The following DLGAP3 variants were observed in gnomAD, a reference collection of about 807,000 sequenced individuals.
DLGAP3 encodes the protein DLG associated protein 3.
In DLGAP3, 17 loss-of-function variants were observed where a neutral mutation model predicts 81.2. That is an observed-to-expected ratio of 0.21 (90% CI 0.14 to 0.31). The LOEUF is 0.31. Among genes scored for constraint, DLGAP3 ranks in the 10% least tolerant of loss-of-function variants. The pLI is 1.00. For missense variants in DLGAP3, 1,124 were observed against 1,388.0 expected (o/e 0.81, Z 3.02); for synonymous variants, 577 against 587.4 (o/e 0.98, Z 0.26).
Position 34,904,221 on chromosome 1 carries a change from T to C in DLGAP3, c.1107+56A>G, listed in dbSNP as rs534282935. The C allele has an allele frequency of 8.1e-6, 13 of 1,595,374 alleles. No homozygotes were observed. The African/African-American group carries it at 1.5e-4, about 18-fold the overall frequency. ...CCCAACCCTTTCCACTGCTCCCTAGTTGACAAGACTGGTGAAGGCTAAGGA... is the reference window on the plus strand; with the variant it reads ...CCCAACCCTTTCCACTGCTCCCTAGCTGACAAGACTGGTGAAGGCTAAGGA... On this transcript the variant is annotated intron_variant, in intron 3 of 11. Transcript: ENST00000373347. The surrounding 1 kb of genome is among the most constrained non-coding windows in gnomAD (Gnocchi z 8.1).
chr1:34,869,053 A>G lies in DLGAP3; in HGVS notation c.2037T>C (p.Ala679=). The G allele has an allele frequency of 6.3e-7, 1 of 1,598,714 alleles. No homozygotes were observed. Among genetic ancestry groups the G allele is most frequent in the South Asian group, 1.1e-5 (1 of 90,626 alleles). ...CCAGCTCCAGGTCTGCCTGCACGCC[A>G]GCCGTCACACTATTGGAGCGCTTGA... ...ARFKRSNSVT[A]GVQADLELEG... is the part of the protein sequence containing the mutation. Residue 679 remains alanine (A), a synonymous_variant, in exon 9 of 12, where the codon GCT becomes GCC. Coordinates refer to ENST00000373347, the MANE Select transcript of DLGAP3 (RefSeq NM_001080418.3).
chr1:34,889,848 A>G (rs567823855), intron 5 of DLGAP3, among the ~76,000 whole-genome samples: 2 of 152,348 alleles, frequency 1.3e-5, no homozygotes, highest in East Asian at 1.9e-4. Context: ...GTGTGAGCCA[A>G]TGCTGCAAAC....
intron 5 of DLGAP3, among the ~76,000 whole-genome samples, chr1:34,888,694 G>C (rs1475167052): frequency 6.6e-6 from 1 of 152,024 alleles, no homozygotes; most frequent in African/African-American, 2.4e-5. Flanking sequence ...CAGAAGTTAA[G>C]TTCTCTCATA....
intron 1 of DLGAP3, among the ~76,000 whole-genome samples, chr1:34,916,414 C>T (rs1229912944): frequency 6.6e-6 from 1 of 152,212 alleles, no homozygotes; most frequent in Non-Finnish European, 1.5e-5. Flanking sequence ...CTCCTGAATA[C>T]CTACAACTGT....
chr1:34,866,333 C>T (rs1275291533), intron 11 of DLGAP3, 32 bp from the exon 12 acceptor site: 2 of 1,475,958 alleles, frequency 1.4e-6, no homozygotes, highest in Admixed American at 4.4e-5. Context: ...TGAGCTGGGG[C>T]GCCGAACCAT....
chr1:34,919,345 T>C (rs1421427777), intron 1 of DLGAP3, among the ~76,000 whole-genome samples: 6 of 152,210 alleles, frequency 3.9e-5, no homozygotes, highest in Non-Finnish European at 8.8e-5. Context: ...CTCCTTTTCT[T>C]AGCAGCTGTC....
At position 34,904,141 on chromosome 1, in the gene DLGAP3, C is replaced by T; in HGVS notation, c.1107+136G>A. On this transcript the variant is annotated intron_variant, in intron 3 of 11. Transcript: ENST00000373347. The surrounding 1 kb of genome is among the most constrained non-coding windows in gnomAD (Gnocchi z 8.1). ...AGGAGCTCAGAGTGACCCAATGGGGCAGGGCAGAGCCTCCCTACACCCAGG... is the reference window on the plus strand; with the variant it reads ...AGGAGCTCAGAGTGACCCAATGGGGTAGGGCAGAGCCTCCCTACACCCAGG... 1 of 1,064,610 alleles carries T rather than the reference C, an allele frequency of 9.4e-7. No individual in the cohort carries two copies. The highest frequency in any genetic ancestry group is 1.4e-6 in the Non-Finnish European group (1 of 700,976). 65.9% of individuals were successfully genotyped at this position (1,064,610 alleles called of 1,614,324 possible).
At chr1:34,882,315 G>GAAAACAC in intron 8 of DLGAP3, among the ~76,000 whole-genome samples, 1 of 152,060 alleles carries the variant, frequency 6.6e-6, no homozygotes, top group African/African-American at 2.4e-5. Flanking sequence ...CATCTCTACT[G>GAAAACAC]AAAACACAAA....
At chr1:34,884,935 C>A in intron 8 of DLGAP3, 43 bp downstream of exon 8, 1 of 1,457,570 alleles carries the variant, frequency 6.9e-7, no homozygotes, top group South Asian at 1.1e-5. Flanking sequence ...CCTCTCTCCT[C>A]CTGTCTCCCA....
intron 1 of DLGAP3, among the ~76,000 whole-genome samples, chr1:34,907,868 C>CA (rs1639581194): frequency 6.6e-6 from 1 of 152,196 alleles, no homozygotes; most frequent in South Asian, 2.1e-4. Flanking sequence ...TCTCACGTGA[C>CA]AGAGTTATTT....
At chr1:34,875,562 TG>T (rs1639038845) in intron 8 of DLGAP3, among the ~76,000 whole-genome samples, 3 of 152,224 alleles carry the variant, frequency 2.0e-5, no homozygotes, top group African/African-American at 7.2e-5. Context: ...AGATAAGGTC[TG>T]TCTGGGAGGA....
chr1:34,922,416 T>C (rs773133137), intron 1 of DLGAP3, among the ~76,000 whole-genome samples: 5 of 152,172 alleles, frequency 3.3e-5, no homozygotes, highest in Non-Finnish European at 7.3e-5. Context: ...TTGCCTCAAC[T>C]TGTGTACATA....
intron 2 of DLGAP3, among the ~76,000 whole-genome samples, 179 bp from the exon 3 acceptor site, chr1:34,905,613 C>T (rs1639539203): frequency 6.6e-6 from 1 of 152,120 alleles, no homozygotes; most frequent in African/African-American, 2.4e-5. Flanking sequence ...GACATAGACA[C>T]TCAAGGGCAC....
intron 1 of DLGAP3, among the ~76,000 whole-genome samples, chr1:34,920,616 C>G (rs913325160): frequency 4.6e-5 from 7 of 152,198 alleles, no homozygotes; most frequent in African/African-American, 1.2e-4. Context: ...CCACTCTTAT[C>G]CTAATTGCTC....
rs1003666667 is a variant in DLGAP3, at chr1:34,902,891, G to A, written c.1107+1386C>T. ...AGGGATGGCAAGGAATCGGCTATGG[G>A]GGAGAAAGGATGGGTGCTGCCTCCC... On this transcript the variant is annotated intron_variant, in intron 3 of 11. Coordinates refer to ENST00000373347, the MANE Select transcript of DLGAP3 (RefSeq NM_001080418.3). The surrounding 1 kb of genome is among the most constrained non-coding windows in gnomAD (Gnocchi z 4.4). Among the ~76,000 whole-genome samples, 1 of 152,100 alleles carries A rather than the reference G, an allele frequency of 6.6e-6. No homozygotes were observed. Among genetic ancestry groups the A allele is most frequent in the Non-Finnish European group, 1.5e-5 (1 of 68,002 alleles).
At position 34,895,898 on chromosome 1, in the gene DLGAP3, C is replaced by T. The variant is rs565933917; in HGVS notation, c.1386+3771G>A. On this transcript the variant is annotated intron_variant, in intron 5 of 11. Transcript: ENST00000373347. This position sits in a 1 kb window ranked among gnomAD's most constrained non-coding sequence, Gnocchi z 4.5. Reference sequence around the variant, plus strand: ...CGCATTCAAAAACATAAAGCTGGACCCCTAACTTGAATCACACATACACAC... The same window carrying T: ...CGCATTCAAAAACATAAAGCTGGACTCCTAACTTGAATCACACATACACAC... 1.0e-3 allele frequency among the ~76,000 whole-genome samples: 155 copies of T among 149,626 alleles called. No individual in the cohort carries two copies. Among genetic ancestry groups the T allele is most frequent in the African/African-American group, 3.5e-3 (141 of 40,312 alleles).
At chr1:34,883,047 C>T (rs1169716545) in intron 8 of DLGAP3, among the ~76,000 whole-genome samples, 1 of 152,218 alleles carries the variant, frequency 6.6e-6, no homozygotes, top group East Asian at 1.9e-4. Flanking sequence ...TAAATAAGGT[C>T]CCTTCTTCTC....
At chr1:34,872,891 G>C (rs1017060346) in intron 8 of DLGAP3, among the ~76,000 whole-genome samples, 1 of 152,144 alleles carries the variant, frequency 6.6e-6, no homozygotes, top group East Asian at 1.9e-4. Flanking sequence ...TCTGACCCCA[G>C]ATAATAAATA....
chr1:34,881,914 C>A (rs1309959692), intron 8 of DLGAP3, among the ~76,000 whole-genome samples: 3 of 152,128 alleles, frequency 2.0e-5, no homozygotes, highest in African/African-American at 4.8e-5. Flanking sequence ...CAAATGGTAT[C>A]CATCAAAATT....
Sources: allele counts gnomAD v4.1 joint callset (sites outside exome capture counted in the v4.1 genomes callset), GRCh38; gene constraint gnomAD v4.1.1; non-coding constraint Gnocchi (gnomAD v3.1); transcripts MANE v1.5; gene names NCBI Gene and HGNC (gene_info 2026-07-23, HGNC 2026-07-21).